The following POLH variants were observed in gnomAD, a reference collection of about 807,000 sequenced individuals.
POLH encodes the protein DNA polymerase eta, also known as DNA polymerase eta transcript.
In POLH, 53 loss-of-function variants were observed where a neutral mutation model predicts 73.6. The observed-to-expected ratio is 0.72, with a 90% CI of 0.58 to 0.91. POLH has a LOEUF of 0.91. Among genes scored for constraint, POLH ranks in the 40% least tolerant of loss-of-function variants. The pLI is 0.00. For synonymous variants in POLH, 292 were observed against 308.5 expected (o/e 0.95, Z 0.56); for missense variants, 768 against 865.4 (o/e 0.89, Z 1.41).
At position 43,603,899 on chromosome 6, in the gene POLH, C is replaced by T; in HGVS notation, c.772C>T (p.Leu258Phe). ...SQMPIRKIRS[L>F]GGKLGASVIE... ...TGTCTCCTTTGTTATCAGCCGTAGT[C>T]TTGGAGGAAAGCTAGGGGCCTCTGT... Residue 258 changes from leucine to phenylalanine, a missense_variant, in exon 7 of 11, where the codon CTT becomes TTT. By Grantham distance (22) the Leu-to-Phe change is conservative. Transcript: ENST00000372236. 6.2e-7 allele frequency: 1 copy of T among 1,613,442 alleles called. No homozygotes were observed. The highest frequency in any genetic ancestry group is 8.5e-7 in the Non-Finnish European group (1 of 1,179,576).
At chr6:43,613,241 G>C (rs898900334) in intron 10 of POLH, among the ~76,000 whole-genome samples, 10 of 152,164 alleles carry the variant, frequency 6.6e-5, no homozygotes, top group African/African-American at 1.4e-4. Flanking sequence ...ATGGCTAAGA[G>C]GATTTTTTCA....
At chr6:43,591,704 A>G (rs747491261) in intron 4 of POLH, among the ~76,000 whole-genome samples, 101 of 151,838 alleles carry the variant, frequency 6.7e-4, no homozygotes, top group Non-Finnish European at 1.3e-3. Context: ...TGAGAATTAC[A>G]TACTCTTAAA....
At position 43,603,952 on chromosome 6, in the gene POLH, G is replaced by A. The variant is rs770287953; in HGVS notation, c.825G>A (p.Met275Ile). 10 of 1,611,306 alleles carry A rather than the reference G, an allele frequency of 6.2e-6. No individual in the cohort carries two copies. Among genetic ancestry groups the A allele is most frequent in the Non-Finnish European group, 8.5e-6 (10 of 1,177,530 alleles). ...TTGAGATCCTAGGGATAGAATACAT[G>A]GGTGAACTGACCCAGTTCACTGAAT... ...SVIEILGIEY[M>I]GELTQFTESQ... Residue 275 changes from methionine to isoleucine, a missense_variant, in exon 7 of 11, where the codon ATG becomes ATA. By Grantham distance (10) the Met-to-Ile change is conservative (BLOSUM62 1). Coordinates refer to ENST00000372236, the MANE Select transcript of POLH (RefSeq NM_006502.3).
chr6:43,578,003 A>C (rs1763561608), intron 1 of POLH, among the ~76,000 whole-genome samples: 1 of 150,202 alleles, frequency 6.7e-6, no homozygotes, highest in Admixed American at 6.6e-5. Flanking sequence ...ATCACTTGAA[A>C]CCGGGAGATG....
rs60046548 is a variant in POLH at position 43,619,364 on chromosome 6, C to CA, written c.*4837dup. On this transcript the variant is annotated 3_prime_UTR_variant, in exon 11 of 11. Coordinates refer to ENST00000372236, the MANE Select transcript of POLH (RefSeq NM_006502.3). ...TGGGTGACAGTCTGAGACCCTGTCT[C>CA]AAAAAAAAAAAAAAAAAAAAAAAAA... 0.057 allele frequency among the ~76,000 whole-genome samples: 2,115 copies of CA among 36,968 alleles called. 369 individuals carry two copies. Among genetic ancestry groups the CA allele is most frequent in the Non-Finnish European group, 0.094 (1,250 of 13,350 alleles). 24.3% of individuals were successfully genotyped at this position (36,968 alleles called of 152,430 possible).
rs1766361160 is a variant in POLH, at chr6:43,598,561, G to A, written c.660+696G>A. Among the ~76,000 whole-genome samples, 2 of 151,758 alleles carry A rather than the reference G, an allele frequency of 1.3e-5. 1 individual carries two copies. The highest frequency in any genetic ancestry group is 4.2e-4 in the South Asian group (2 of 4,814). On this transcript the variant is annotated intron_variant, in intron 5 of 10. Transcript: ENST00000372236. ...GAGGCAGGAGAATTGCTTTAACCTG[G>A]AAGGTGGAGGTTCCAGTGAGCCAAG...
At chr6:43,612,266 C>T (rs1767966133) in intron 10 of POLH, among the ~76,000 whole-genome samples, 1 of 151,822 alleles carries the variant, frequency 6.6e-6, no homozygotes, top group African/African-American at 2.4e-5. Flanking sequence ...CGGTGTGAAA[C>T]TCCGTGATGC....
intron 4 of POLH, among the ~76,000 whole-genome samples, chr6:43,592,142 A>T (rs1475849502): frequency 6.6e-6 from 1 of 152,208 alleles, no homozygotes; most frequent in Non-Finnish European, 1.5e-5. Flanking sequence ...GAACAGTGCA[A>T]TGTCTAGGAA....
chr6:43,597,040 G>A (rs1463136383), intron 4 of POLH, among the ~76,000 whole-genome samples: 1 of 150,030 alleles, frequency 6.7e-6, no homozygotes. Flanking sequence ...TGGAGAAGAT[G>A]TTTAAGTGAT....
rs1289035056 is a variant in POLH, at chr6:43,603,856, T to C, written c.765-36T>C. On this transcript the variant is annotated intron_variant, in intron 6 of 10. Transcript: ENST00000372236. ...TTTGCTGCTAATTAGATAGTTATGA[T>C]GTGACCTATCAATTCTTTGTCTCCT... The C allele has an allele frequency of 2.5e-6, 4 of 1,610,040 alleles. No individual in the cohort carries two copies. The East Asian group carries it at 6.7e-5, about 27-fold the overall frequency.
intron 9 of POLH, 48 bp downstream of exon 9, chr6:43,605,367 A>G (rs1357553656): frequency 3.3e-6 from 3 of 914,048 alleles, no homozygotes; most frequent in Admixed American, 1.8e-5. Flanking sequence ...CAATTTACAT[A>G]TCAGCTGCTC....
At chr6:43,581,196 C>A (rs1460554564) in intron 1 of POLH, among the ~76,000 whole-genome samples, 2 of 150,202 alleles carry the variant, frequency 1.3e-5, no homozygotes, top group East Asian at 4.0e-4. Flanking sequence ...CGGGCAGAGA[C>A]GCTCCTCACC....
chr6:43,614,937 C>T lies in POLH; in HGVS notation c.*380C>T, dbSNP rs1768221701. The T allele has an allele frequency of 9.5e-6, 2 of 210,248 alleles. No homozygotes were observed. The highest frequency in any genetic ancestry group is 4.7e-5 in the African/African-American group (2 of 42,678). 13.0% of individuals were successfully genotyped at this position (210,248 alleles called of 1,614,324 possible). On this transcript the variant is annotated 3_prime_UTR_variant, in exon 11 of 11. Coordinates refer to ENST00000372236, the MANE Select transcript of POLH (RefSeq NM_006502.3). Reference sequence around the variant, plus strand: ...CTCATCTGTAAAATGGAGATAATACCTTACAGATTATTGCAGATTAATAAC... The same window carrying T: ...CTCATCTGTAAAATGGAGATAATACTTTACAGATTATTGCAGATTAATAAC...
In POLH at chr6:43,617,026, C is replaced by T. The variant is rs562134846; in HGVS notation, c.*2469C>T. ...CCAACATGGCGAAACCCTGTATCTA[C>T]TAAAAATACAAAAATTAGCCGGGCA... is the stretch of plus-strand genomic sequence containing the variant. On this transcript the variant is annotated 3_prime_UTR_variant, in exon 11 of 11. Transcript: ENST00000372236. 6.6e-6 allele frequency among the ~76,000 whole-genome samples: 1 copy of T among 152,152 alleles called. No individual in the cohort carries two copies. Among genetic ancestry groups the T allele is most frequent in the Non-Finnish European group, 1.5e-5 (1 of 68,032 alleles).
In POLH at chr6:43,610,559, CA is replaced by C; in HGVS notation, c.1081del (p.Arg361GlyfsTer2). 1 of 1,613,914 alleles carries C rather than the reference CA, an allele frequency of 6.2e-7. No individual in the cohort carries two copies. On this transcript the variant is annotated frameshift_variant, in exon 10 of 11. Transcript: ENST00000372236. LOFTEE classifies it high-confidence loss of function. ...TCCATCCTTTCCACCCACAGAATGA[CA>C]GGGTAGCCACCCAGCTGGTTGTGAG... ...RLTKDRNDND[R>X]VATQLVVSIR...
chr6:43,604,827 G>A (rs1305997764), intron 8 of POLH, 89 bp downstream of exon 8: 2 of 1,337,728 alleles, frequency 1.5e-6, no homozygotes, highest in Non-Finnish European at 1.1e-6. Flanking sequence ...ATAGGTTAGA[G>A]GAGACCTTTA....
Position 43,582,304 on chromosome 6 carries a change from G to A in POLH, c.-4-12G>A. 1.2e-6 allele frequency: 2 copies of A among 1,613,408 alleles called. No homozygotes were observed. ...GTGTTTTTCTAACTGTCCATAAAAT[G>A]TTGTGTTACAGAAAAATGGCTACTG... On this transcript the variant is annotated splice_polypyrimidine_tract_variant and intron_variant, in intron 1 of 10. Coordinates refer to ENST00000372236, the MANE Select transcript of POLH (RefSeq NM_006502.3).
intron 4 of POLH, among the ~76,000 whole-genome samples, chr6:43,596,203 G>A (rs1376309144): frequency 1.3e-5 from 2 of 152,194 alleles, no homozygotes; most frequent in Non-Finnish European, 2.9e-5. Flanking sequence ...GTAAGAGCTT[G>A]CCAGGCGCGG....
intron 3 of POLH, among the ~76,000 whole-genome samples, chr6:43,586,355 C>T (rs573819456): frequency 1.3e-5 from 2 of 152,270 alleles, no homozygotes; most frequent in East Asian, 1.9e-4. Context: ...GTGGCAGGCG[C>T]CTGTAATCCC....
Sources: allele counts gnomAD v4.1 joint callset (sites outside exome capture counted in the v4.1 genomes callset), GRCh38; gene constraint gnomAD v4.1.1; transcripts MANE v1.5; gene names NCBI Gene and HGNC (gene_info 2026-07-23, HGNC 2026-07-21).